Variants in ANKS3 observed in about 807,000 individuals in gnomAD.
ANKS3 encodes the protein ankyrin repeat and sterile alpha motif domain containing 3.
In ANKS3, 62 loss-of-function variants were observed where a neutral mutation model predicts 80.7. That is an observed-to-expected ratio of 0.77 (90% CI 0.63 to 0.95). The LOEUF is 0.95. Among genes scored for constraint, ANKS3 ranks in the 40% least tolerant of loss-of-function variants. The pLI is 0.00. For missense variants in ANKS3, 1,150 were observed against 883.6 expected, an observed-to-expected ratio of 1.30 and a Z score of -3.82; for synonymous variants, 489 against 355.3, an observed-to-expected ratio of 1.38 and a Z score of -4.23.
intron 6 of ANKS3, among the ~76,000 whole-genome samples, chr16:4,723,471 G>A (rs1486393655): frequency 1.3e-5 from 2 of 152,114 alleles, no homozygotes; most frequent in African/African-American, 4.8e-5. Flanking sequence ...GACCCAGAAT[G>A]GAGTGTGGCG....
At chr16:4,704,964 G>T in intron 8 of ANKS3, 131 bp downstream of exon 8, 1 of 1,208,658 alleles carries the variant, frequency 8.3e-7, no homozygotes, top group African/African-American at 1.5e-5. Context: ...ATGAAAGCTG[G>T]GCCACCTGTC....
rs1229012443 is a variant in ANKS3, at chr16:4,697,249, A to G, written c.1894+84T>C. ...GGTCAGCCTTGGGGTAGAGAGACAC[A>G]AACCCGCTTTCCCTGGAAAGGGGTC... On this transcript the variant is annotated intron_variant, in intron 16 of 17. Transcript: ENST00000304283. 84 of 1,545,430 alleles carry G rather than the reference A, an allele frequency of 5.4e-5. No individual in the cohort carries two copies. The South Asian group carries it at 8.3e-4, about 15-fold the overall frequency.
intron 6 of ANKS3, among the ~76,000 whole-genome samples, chr16:4,716,325 G>C (rs859328): frequency 0.55 from 78,300 of 142,926 alleles, 21,394 homozygotes; most frequent in East Asian, 0.67. Flanking sequence ...CGCACCACTG[G>C]ACTCCAGCCT....
At chr16:4,730,552 C>A (rs2081564283) in intron 2 of ANKS3, among the ~76,000 whole-genome samples, 1 of 151,440 alleles carries the variant, frequency 6.6e-6, no homozygotes, top group Non-Finnish European at 1.5e-5. Flanking sequence ...GGGGAAGAAC[C>A]CTGGATTTGG....
intron 5 of ANKS3, among the ~76,000 whole-genome samples, chr16:4,725,867 C>G (rs1412374735): frequency 6.6e-6 from 1 of 151,738 alleles, no homozygotes; most frequent in Admixed American, 6.6e-5. Flanking sequence ...ACCATGTTGG[C>G]CAGACTGGTC....
intron 16 of ANKS3, 113 bp downstream of exon 16, chr16:4,697,220 C>T (rs2079610217): frequency 1.3e-6 from 2 of 1,549,610 alleles, no homozygotes. Flanking sequence ...GGCCCCAGCC[C>T]CGAGGTCAGC....
chr16:4,701,627 C>G (rs2079911365), intron 9 of ANKS3, 84 bp from the exon 10 acceptor site: 5 of 1,196,800 alleles, frequency 4.2e-6, no homozygotes, highest in Middle Eastern at 3.9e-4. Context: ...GCCGCCTCCA[C>G]CAGGGCACTC....
chr16:4,714,086 G>A lies in ANKS3; in HGVS notation c.674C>T (p.Ser225Leu), dbSNP rs1176276798. The A allele has an allele frequency of 2.5e-6, 4 of 1,614,056 alleles. No homozygotes were observed. Among genetic ancestry groups the A allele is most frequent in the East Asian group, 2.2e-5 (1 of 44,894 alleles). The stretch of plus-strand genomic sequence containing the variant: ...ATAGAGGCTCTTGGGCAGAGAGGGC[G>A]AGTAAGTGTCCATCAAGGCCACGAT... ...MKIVALMDTYSPSLPKSLYRS... is the reference protein window; with the variant it reads ...MKIVALMDTYLPSLPKSLYRS... The change falls in exon 7 of 18, where the codon TCG becomes TTG. Residue 225 changes from serine (S) to leucine (L), a missense_variant. Transcript: ENST00000304283.
chr16:4,705,257 T>C lies in ANKS3; in HGVS notation c.710-4A>G. The stretch of plus-strand genomic sequence containing the variant: ...GAGCTCAGATCTTCGTACTTTTCTG[T>C]GATCAAACACCAAGATTAAGATAGT... On this transcript the variant is annotated splice_polypyrimidine_tract_variant and splice_region_variant and intron_variant, in intron 7 of 17. Transcript: ENST00000304283. 1 of 1,613,606 alleles carries C rather than the reference T, an allele frequency of 6.2e-7. No homozygotes were observed. The highest frequency in any genetic ancestry group is 8.5e-7 in the Non-Finnish European group (1 of 1,179,896).
At position 4,714,078 on chromosome 16, in the gene ANKS3, G is replaced by A; in HGVS notation, c.682C>T (p.Leu228=). Residue 228 remains leucine (L), a synonymous_variant, in exon 7 of 18, where the codon CTG becomes TTG. Transcript: ENST00000304283. ...GGGCTCCGATAGAGGCTCTTGGGCAGAGAGGGCGAGTAAGTGTCCATCAAG... is the reference window on the plus strand; with the variant it reads ...GGGCTCCGATAGAGGCTCTTGGGCAAAGAGGGCGAGTAAGTGTCCATCAAG... The part of the protein sequence containing the change: ...VALMDTYSPS[L]PKSLYRSPEK... 1 of 1,614,230 alleles carries A rather than the reference G, an allele frequency of 6.2e-7. No individual in the cohort carries two copies. Among genetic ancestry groups the A allele is most frequent in the South Asian group, 1.1e-5 (1 of 91,076 alleles).
chr16:4,719,452 A>G (rs1328078610), intron 6 of ANKS3, among the ~76,000 whole-genome samples: 4 of 152,138 alleles, frequency 2.6e-5, no homozygotes, highest in African/African-American at 7.2e-5. Flanking sequence ...GTTCTGGGCT[A>G]TTGATTCTAT....
chr16:4,718,686 C>T (rs1223346613), intron 6 of ANKS3, among the ~76,000 whole-genome samples: 2 of 152,200 alleles, frequency 1.3e-5, no homozygotes, highest in Non-Finnish European at 2.9e-5. Flanking sequence ...AGGGCTTGCC[C>T]ACCAGCATCG....
At chr16:4,720,498 G>A (rs1335964181) in intron 6 of ANKS3, among the ~76,000 whole-genome samples, 6 of 150,398 alleles carry the variant, frequency 4.0e-5, no homozygotes, top group Non-Finnish European at 8.9e-5. Context: ...TAAGGGGAGG[G>A]GTGTGAACCA....
chr16:4,714,900 G>A (rs916651459), intron 6 of ANKS3, among the ~76,000 whole-genome samples: 78 of 144,426 alleles, frequency 5.4e-4, no homozygotes, highest in African/African-American at 1.9e-3. Context: ...GCTGAGGCAG[G>A]AGAATTGCTT....
intron 5 of ANKS3, among the ~76,000 whole-genome samples, chr16:4,725,705 T>C (rs1465593877): frequency 6.6e-6 from 1 of 152,236 alleles, no homozygotes; most frequent in Non-Finnish European, 1.5e-5. Flanking sequence ...TTGCTCAGGC[T>C]GGAGTGCAGT....
intron 1 of ANKS3, among the ~76,000 whole-genome samples, chr16:4,733,243 C>T (rs1190577074): frequency 6.7e-6 from 1 of 150,138 alleles, no homozygotes; most frequent in Non-Finnish European, 1.5e-5. Context: ...TATTTGACCG[C>T]ACAACAGGGT....
intron 7 of ANKS3, among the ~76,000 whole-genome samples, chr16:4,707,809 C>T (rs886973004): frequency 5.3e-5 from 8 of 151,986 alleles, no homozygotes; most frequent in Admixed American, 2.0e-4. Context: ...AAACACGGAA[C>T]ACTAAAAAAT....
intron 6 of ANKS3, chr16:4,717,324 G>C (rs777670262): frequency 1.3e-5 from 2 of 152,190 alleles, no homozygotes; most frequent in Admixed American, 1.3e-4. Flanking sequence ...TGAGGTGGGC[G>C]GATCACTTGA....
Position 4,701,490 on chromosome 16 carries a change from CGCT to C in ANKS3, c.1060_1062del (p.Ser354del), listed in dbSNP as rs761867063. On this transcript the variant is annotated inframe_deletion, in exon 10 of 18. Transcript: ENST00000304283. ...AGCCCCTGGGCTCTGGCCAGGCCCT[CGCT>C]GCTGCTGCTGCTCTGGACGGGCCCC... 24 of 1,611,790 alleles carry C rather than the reference CGCT, an allele frequency of 1.5e-5. No individual in the cohort carries two copies. In the East Asian group the frequency reaches 1.6e-4, roughly 10 times the overall value.
Sources: allele counts gnomAD v4.1 joint callset (sites outside exome capture counted in the v4.1 genomes callset), GRCh38; gene constraint gnomAD v4.1.1; transcripts MANE v1.5; gene names NCBI Gene and HGNC (gene_info 2026-07-23, HGNC 2026-07-21).